RABL6: variants seen among roughly 807,000 people sequenced by gnomAD.
The protein encoded by RABL6 is RAB, member RAS oncogene family like 6.
In RABL6, 28 loss-of-function variants were observed where a neutral mutation model predicts 72.9. That is an observed-to-expected ratio of 0.38 (90% CI 0.28 to 0.53). The LOEUF is 0.53. Ranked by LOEUF, RABL6 falls within the 20% of genes least tolerant of loss-of-function variation. The pLI is 0.80. For synonymous variants in RABL6, 477 were observed against 421.2 expected (o/e 1.13, Z -1.62); for missense variants, 1,029 against 1,008.4 (o/e 1.02, Z -0.28).
Position 136,808,268 on chromosome 9 carries a change from G to C in RABL6, c.72G>C (p.Gly24=), listed in dbSNP as rs1169999302. Residue 24 remains glycine (G), a synonymous_variant, in exon 1 of 15, where the codon GGG becomes GGC. Transcript: ENST00000311502. ...APGRDKNIPA[G]LQSMNQALQR... is the part of the protein sequence containing the mutation. ...GCCGGGACAAGAACATCCCCGCCGG[G>C]CTGCAGTCCATGAACCAGGCGTTGC... 1 of 1,566,728 alleles carries C rather than the reference G, an allele frequency of 6.4e-7. No individual in the cohort carries two copies. Among genetic ancestry groups the C allele is most frequent in the Non-Finnish European group, 8.6e-7 (1 of 1,157,716 alleles).
Position 136,837,608 on chromosome 9 carries a change from A to C in RABL6, c.1072A>C (p.Ile358Leu). 1.3e-6 allele frequency: 2 copies of C among 1,596,306 alleles called. No homozygotes were observed. Among genetic ancestry groups the C allele is most frequent in the Non-Finnish European group, 1.7e-6 (2 of 1,173,688 alleles). Reference protein sequence around the residue: ...PSAPAPRRSIISRLFGTSPAT... With the variant: ...PSAPAPRRSILSRLFGTSPAT... ...AGCCCCCGCCCCACGGCGCAGCATC[A>C]TCTCTAGGCTGTTTGGGACGTCACC... Residue 358 changes from isoleucine to leucine, a missense_variant, in exon 9 of 15, where the codon ATC becomes CTC. By Grantham distance (5) the Ile-to-Leu change is conservative (BLOSUM62 2). Transcript: ENST00000311502.
chr9:136,834,624 G>A (rs559482073), intron 7 of RABL6: 17 of 326,236 alleles, frequency 5.2e-5, no homozygotes, highest in Admixed American at 1.3e-4. Flanking sequence ...GATTACAGGC[G>A]CCTGCCACCA....
At chr9:136,821,449 C>T (rs551508748) in intron 1 of RABL6, 37 of 985,278 alleles carry the variant, frequency 3.8e-5, no homozygotes, top group Non-Finnish European at 4.3e-5. Flanking sequence ...GGCCGTGGAC[C>T]TCGGGGCCGC....
chr9:136,822,141 C>A, intron 1 of RABL6: 1 of 1,219,514 alleles, frequency 8.2e-7, no homozygotes, highest in South Asian at 1.3e-5. Flanking sequence ...CTCAGAGCTT[C>A]GAGGCCGGGC....
intron 1 of RABL6, among the ~76,000 whole-genome samples, chr9:136,816,863 G>C (rs1848130377): frequency 6.6e-6 from 1 of 151,998 alleles, no homozygotes; most frequent in Admixed American, 6.6e-5. Context: ...TGGGTAATTA[G>C]CTTTTAAAAG....
intron 7 of RABL6, chr9:136,832,759 T>C (rs937655727): frequency 8.8e-6 from 3 of 341,524 alleles, no homozygotes; most frequent in African/African-American, 6.4e-5. Context: ...TCTCCCAAAG[T>C]GCTGGGATGC....
Position 136,832,255 on chromosome 9 carries a change from C to T in RABL6, c.600-10C>T. The T allele has an allele frequency of 3.1e-6, 5 of 1,611,548 alleles. No individual in the cohort carries two copies. The highest frequency in any genetic ancestry group is 1.7e-4 in the Middle Eastern group (1 of 6,058). On this transcript the variant is annotated splice_polypyrimidine_tract_variant and intron_variant, in intron 6 of 14. Coordinates refer to ENST00000311502, the MANE Select transcript of RABL6 (RefSeq NM_024718.5). ...CTTTCTCTTGCATCTTTTTTCCTTTCTGAAAGCAGACCTCCAGGTTCCTCC... is the reference window on the plus strand; with the variant it reads ...CTTTCTCTTGCATCTTTTTTCCTTTTTGAAAGCAGACCTCCAGGTTCCTCC...
At position 136,837,436 on chromosome 9, in the gene RABL6, A is replaced by T. The variant is rs1848603164; in HGVS notation, c.900A>T (p.Pro300=). The T allele has an allele frequency of 1.7e-5, 27 of 1,577,426 alleles. No homozygotes were observed. Among genetic ancestry groups the T allele is most frequent in the Non-Finnish European group, 2.3e-5 (27 of 1,163,650 alleles). The part of the protein sequence containing the change: ...GQSPSPGSQS[P]VVPAGAVSTG... The stretch of plus-strand genomic sequence containing the variant: ...GCCCATCCCCGGGCTCCCAGTCACC[A>T]GTGGTGCCTGCAGGCGCTGTGTCCA... The change falls in exon 9 of 15, where the codon CCA becomes CCT. Residue 300 remains proline (P), a synonymous_variant. Coordinates refer to ENST00000311502, the MANE Select transcript of RABL6 (RefSeq NM_024718.5).
At chr9:136,813,347 A>G in intron 1 of RABL6, 1 of 839,648 alleles carries the variant, frequency 1.2e-6, no homozygotes. Flanking sequence ...GCCTTGTCTC[A>G]GATTCTTTCT....
In RABL6 at chr9:136,839,130, A is replaced by G. The variant is rs747022934; in HGVS notation, c.1493+9A>G. ...GAGCCAGAGACCAAGTGGTAAGGGC[A>G]GGTGTCCCCACGGGTGCGGCCTGGA... On this transcript the variant is annotated intron_variant, in intron 11 of 14. Transcript: ENST00000311502. The G allele has an allele frequency of 7.4e-6, 12 of 1,611,400 alleles. No homozygotes were observed. The Admixed American group carries it at 1.8e-4, about 25-fold the overall frequency.
chr9:136,839,927 C>A (rs542428616), intron 13 of RABL6, 62 bp downstream of exon 13: 2 of 1,560,414 alleles, frequency 1.3e-6, no homozygotes, highest in Admixed American at 3.8e-5. Context: ...TGGGCCTCCT[C>A]CCAGCTGCTG....
rs149063067 is a variant in RABL6 at position 136,839,307 on chromosome 9, C to A, written c.1579C>A (p.Arg527Ser). ...CCCCTGGCCAGGCGGTGTCTCTGTTCGCACAGGTCCGGAGAAGCGCAGCAG... is the reference window on the plus strand; with the variant it reads ...CCCCTGGCCAGGCGGTGTCTCTGTTAGCACAGGTCCGGAGAAGCGCAGCAG... Reference protein sequence around the residue: ...APPWPGGVSVRTGPEKRSSTR... With the variant: ...APPWPGGVSVSTGPEKRSSTR... Residue 527 changes from arginine to serine, a missense_variant, in exon 12 of 15, where the codon CGC (arginine) becomes AGC (serine). By Grantham distance (110) the Arg-to-Ser change is moderately radical. Transcript: ENST00000311502. 2 of 1,612,152 alleles carry A rather than the reference C, an allele frequency of 1.2e-6. No homozygotes were observed. The highest frequency in any genetic ancestry group is 1.7e-5 in the Admixed American group (1 of 59,912).
chr9:136,840,913 G>A lies in RABL6; in HGVS notation c.*391G>A, dbSNP rs563024577. ...CTGCCCCGGCACCTGCTTGCCCTCC[G>A]CGCTCATCTGGGGCCGCAGCATGCC... is the stretch of plus-strand genomic sequence containing the variant. On this transcript the variant is annotated 3_prime_UTR_variant, in exon 15 of 15. Coordinates refer to ENST00000311502, the MANE Select transcript of RABL6 (RefSeq NM_024718.5). 6.6e-5 allele frequency: 99 copies of A among 1,490,886 alleles called. No homozygotes were observed. The East Asian group carries it at 7.0e-4, about 10-fold the overall frequency. 92.4% of individuals were successfully genotyped at this position (1,490,886 alleles called of 1,614,324 possible). A position where few individuals can be genotyped will look rare whatever the true frequency, so the allele number is the denominator to read the frequency against.
intron 1 of RABL6, chr9:136,821,950 C>T: frequency 1.6e-6 from 2 of 1,289,038 alleles, no homozygotes; most frequent in East Asian, 5.6e-5. Flanking sequence ...CAGCGCTGGC[C>T]GGCGCCGAGA....
rs1177425962 is a variant in RABL6 at position 136,840,690 on chromosome 9, C to G, written c.*168C>G. Reference sequence around the variant, plus strand: ...GTCCCCAGGCTGGGCCCTGCAGGTGCTGGGCCTTCAGGCCCAGTGTGAGCC... The same window carrying G: ...GTCCCCAGGCTGGGCCCTGCAGGTGGTGGGCCTTCAGGCCCAGTGTGAGCC... On this transcript the variant is annotated 3_prime_UTR_variant, in exon 15 of 15. Transcript: ENST00000311502. 1 of 1,548,990 alleles carries G rather than the reference C, an allele frequency of 6.5e-7. No individual in the cohort carries two copies. Among genetic ancestry groups the G allele is most frequent in the Non-Finnish European group, 8.7e-7 (1 of 1,146,854 alleles).
rs1406011732 is a variant in RABL6 at position 136,838,031 on chromosome 9, G to A, written c.1280+16G>A. The A allele has an allele frequency of 2.6e-6, 4 of 1,552,734 alleles. No individual in the cohort carries two copies. Among genetic ancestry groups the A allele is most frequent in the Admixed American group, 1.9e-5 (1 of 51,420 alleles). ...ACAGCGACAGGTGAGGGGTGGGCCT[G>A]GGCCTCCTCTCCCATTGCCCCCCAG... On this transcript the variant is annotated intron_variant, in intron 10 of 14. Coordinates refer to ENST00000311502, the MANE Select transcript of RABL6 (RefSeq NM_024718.5).
At position 136,831,817 on chromosome 9, in the gene RABL6, C is replaced by T; in HGVS notation, c.555C>T (p.Val185=). 3 of 1,613,164 alleles carry T rather than the reference C, an allele frequency of 1.9e-6. No homozygotes were observed. The highest frequency in any genetic ancestry group is 2.5e-6 in the Non-Finnish European group (3 of 1,179,760). The change falls in exon 6 of 15, where the codon GTC becomes GTT. Residue 185 remains valine (V), a synonymous_variant. Coordinates refer to ENST00000311502, the MANE Select transcript of RABL6 (RefSeq NM_024718.5). ...ACCGGGACATGGGCGAGCACCGAGT[C>T]ATCCTGCCGGACGACGTGCGTGACT... The part of the protein sequence containing the change: ...GNYRDMGEHR[V]ILPDDVRDFI...
intron 7 of RABL6, chr9:136,834,205 ATC>A: frequency 8.2e-7 from 1 of 1,220,868 alleles, no homozygotes; most frequent in Non-Finnish European, 1.0e-6. Flanking sequence ...TTTCAAACAC[ATC>A]TCTAAAAAAA....
chr9:136,814,830 G>C (rs1195957647), intron 1 of RABL6: 1 of 154,730 alleles, frequency 6.5e-6, no homozygotes, highest in Non-Finnish European at 1.4e-5. Flanking sequence ...GCTGCTGTTT[G>C]GTCATTTCCT....
Sources: gnomAD v4.1 joint callset for allele counts (sites outside exome capture counted in the v4.1 genomes callset) on GRCh38, gnomAD v4.1.1 for gene constraint, MANE v1.5 for transcripts, NCBI Gene and HGNC (gene_info 2026-07-23, HGNC 2026-07-21) for gene names.